The following TIAM2 variants were observed in gnomAD, a reference collection of about 807,000 sequenced individuals.
TIAM2 encodes the protein rho guanine nucleotide exchange factor TIAM2.
In TIAM2, 80 loss-of-function variants were observed where a neutral mutation model predicts 152.9. The ratio of observed to expected loss-of-function variants is 0.52; its 90% CI spans 0.44 to 0.63. TIAM2 has a LOEUF of 0.63. Ranked by LOEUF, TIAM2 falls within the 30% of genes least tolerant of loss-of-function variation. The probability of loss-of-function intolerance (pLI) is 0.00; values close to 1 mark genes in which losing one functional copy is unlikely to be tolerated. For synonymous variants in TIAM2, 804 were observed against 838.0 expected (o/e 0.96, Z 0.70); for missense variants, 1,965 against 2,120.1 (o/e 0.93, Z 1.44).
intron 14 of TIAM2, among the ~76,000 whole-genome samples, chr6:155,206,437 A>G (rs756037158): frequency 2.0e-5 from 3 of 152,072 alleles, no homozygotes; most frequent in Non-Finnish European, 2.9e-5. Context: ...GGGTTTCACC[A>G]TGTTAGCCAG....
In TIAM2 at chr6:155,254,482, G is replaced by C. The variant is rs755162381; in HGVS notation, c.4377G>C (p.Arg1459Ser). Reference protein sequence around the residue: ...VIRSILRENFRRHIKCELPLE... With the variant: ...VIRSILRENFSRHIKCELPLE... ...GTTCTATTCTGAGGGAGAACTTCAG[G>C]CGTCACATAAAGTGTGAATTACCAC... The change falls in exon 26 of 27, where the codon AGG (arginine) becomes AGC (serine). Residue 1459 changes from arginine (R) to serine (S), a missense_variant. This residue lies in a region of TIAM2 where 935 missense variants were observed against 980.0 expected (regional missense o/e 0.95). Transcript: ENST00000682666. 1 of 1,614,124 alleles carries C rather than the reference G, an allele frequency of 6.2e-7. No individual in the cohort carries two copies. Among genetic ancestry groups the C allele is most frequent in the South Asian group, 1.1e-5 (1 of 91,076 alleles).
intron 10 of TIAM2, among the ~76,000 whole-genome samples, chr6:155,177,449 C>G (rs1414596393): frequency 2.0e-5 from 3 of 152,274 alleles, no homozygotes; most frequent in Middle Eastern, 6.8e-3. Context: ...ATTTTTCAAA[C>G]TGGGTTTCAT....
chr6:155,227,586 C>T (rs1176792853), intron 15 of TIAM2, among the ~76,000 whole-genome samples: 1 of 152,186 alleles, frequency 6.6e-6, no homozygotes, highest in Non-Finnish European at 1.5e-5. Context: ...GGGGAGAAAA[C>T]TGTATTTAAG....
intron 9 of TIAM2, among the ~76,000 whole-genome samples, chr6:155,173,815 A>G (rs1316082939): frequency 6.6e-6 from 1 of 152,224 alleles, no homozygotes; most frequent in East Asian, 1.9e-4. Context: ...TAGGAGAGTA[A>G]ACTCATCTAA....
intron 7 of TIAM2, among the ~76,000 whole-genome samples, chr6:155,152,413 G>C (rs1779995592): frequency 6.6e-6 from 1 of 152,174 alleles, no homozygotes; most frequent in South Asian, 2.1e-4. Context: ...TCACAGCCAG[G>C]GGGCGTTCAG....
At chr6:155,030,551 A>C (rs1281646684) in intron 1 of TIAM2, among the ~76,000 whole-genome samples, 1 of 152,018 alleles carries the variant, frequency 6.6e-6, no homozygotes, top group Admixed American at 6.6e-5. Context: ...GGTATTGTTC[A>C]CCCCACTGCT....
rs559307371 is a variant in TIAM2, at chr6:155,070,209, C to CTTTT, written c.-208-20054_-208-20051dup. On this transcript the variant is annotated intron_variant, in intron 1 of 26. Coordinates refer to ENST00000682666, the MANE Select transcript of TIAM2 (RefSeq NM_012454.4). The stretch of plus-strand genomic sequence containing the variant: ...GTATGAGCCACCGCGCCTGGCCAGA[C>CTTTT]TTTTTTTTTTTTTTTTTTTTTTTTT... Among the ~76,000 whole-genome samples the CTTTT allele has an allele frequency of 7.5e-4, 33 of 44,146 alleles. 6 individuals carry two copies. Among genetic ancestry groups the CTTTT allele is most frequent in the African/African-American group, 3.7e-3 (31 of 8,322 alleles). 29.0% of individuals were successfully genotyped at this position (44,146 alleles called of 152,430 possible). A position where few individuals can be genotyped will look rare whatever the true frequency, so the allele number is the denominator to read the frequency against.
At chr6:155,187,690 T>A in intron 14 of TIAM2, among the ~76,000 whole-genome samples, 1 of 150,266 alleles carries the variant, frequency 6.7e-6, no homozygotes, top group Non-Finnish European at 1.5e-5. Context: ...GGGATTCTCC[T>A]GCCTCAGCCT....
At chr6:155,127,214 G>T (rs532138406) in intron 2 of TIAM2, among the ~76,000 whole-genome samples, 67 of 152,256 alleles carry the variant, frequency 4.4e-4, no homozygotes, top group African/African-American at 1.5e-3. Flanking sequence ...GATGAGCCAC[G>T]CATGACTCAC....
chr6:155,168,238 C>T (rs1386427723), intron 9 of TIAM2, among the ~76,000 whole-genome samples: 4 of 152,022 alleles, frequency 2.6e-5, no homozygotes, highest in African/African-American at 9.7e-5. Context: ...ATATTTTCTT[C>T]CAAGATTTAT....
chr6:155,082,070 G>A (rs1036121144), intron 1 of TIAM2, among the ~76,000 whole-genome samples: 6 of 152,068 alleles, frequency 3.9e-5, no homozygotes, highest in Non-Finnish European at 5.9e-5. Flanking sequence ...TAGGCCAGGC[G>A]CAGTCGCTTA....
chr6:155,038,296 C>T (rs1044847248), intron 1 of TIAM2, among the ~76,000 whole-genome samples: 4 of 152,208 alleles, frequency 2.6e-5, no homozygotes, highest in Admixed American at 2.6e-4. Context: ...GGTTGGCCTG[C>T]CCTGCCCTCC....
At chr6:155,031,281 A>G (rs1420432103) in intron 1 of TIAM2, among the ~76,000 whole-genome samples, 1 of 152,238 alleles carries the variant, frequency 6.6e-6, no homozygotes, top group African/African-American at 2.4e-5. Flanking sequence ...CATATTTTAG[A>G]ATGAGTCAAT....
At chr6:155,140,573 T>TGAGAGAGAGAGAGAGA (rs57939338) in intron 5 of TIAM2, among the ~76,000 whole-genome samples, 2 of 107,404 alleles carry the variant, frequency 1.9e-5, no homozygotes, top group African/African-American at 7.7e-5. Context: ...TGTGTGTGTG[T>TGAGAGAGAGAGAGAGA]GAGAGAGAGA....
rs774403110 is a variant in TIAM2 at position 155,253,042 on chromosome 6, G to A, written c.4214G>A (p.Gly1405Glu). 6.2e-7 allele frequency: 1 copy of A among 1,613,888 alleles called. No individual in the cohort carries two copies. The highest frequency in any genetic ancestry group is 1.1e-5 in the South Asian group (1 of 91,046). ...ATCTCCGCGCTTCAAGTCAGACTGG[G>A]GAATCCAGCAGGTAACTGTTTCGTG... ...IPISALQVRLGNPAGTENNSI... is the reference protein window; with the variant it reads ...IPISALQVRLENPAGTENNSI... The change falls in exon 24 of 27, where the codon GGG (glycine) becomes GAG (glutamate). Residue 1405 changes from glycine to glutamate, a missense_variant. Coordinates refer to ENST00000682666, the MANE Select transcript of TIAM2 (RefSeq NM_012454.4).
Position 155,144,727 on chromosome 6 carries a change from A to G in TIAM2, c.1752A>G (p.Lys584=), listed in dbSNP as rs1225406344. Residue 584 remains lysine (K), a synonymous_variant, in exon 6 of 27, where the codon AAA becomes AAG. Transcript: ENST00000682666. The part of the protein sequence containing the change: ...IVQSVPEHPK[K]ENVFCLSNSF... ...AGTCTGTTCCAGAGCATCCCAAGAA[A>G]GAAAATGTGTTCTGCCTCAGCAACT... The G allele has an allele frequency of 1.2e-6, 2 of 1,610,790 alleles. No homozygotes were observed. The highest frequency in any genetic ancestry group is 1.1e-5 in the South Asian group (1 of 90,140).
rs1435548565 is a variant in TIAM2 at position 155,127,592 on chromosome 6, A to G, written c.-15A>G. On this transcript the variant is annotated 5_prime_UTR_variant, in exon 3 of 27. Coordinates refer to ENST00000682666, the MANE Select transcript of TIAM2 (RefSeq NM_012454.4). ...ACTAACCTCCCTCACAGCAGAAACT[A>G]GACGTCAGGTAAACCCAACCCTTGT... The G allele has an allele frequency of 2.2e-6, 1 of 456,082 alleles. No individual in the cohort carries two copies. The highest frequency in any genetic ancestry group is 6.9e-5 in the East Asian group (1 of 14,396). 28.3% of individuals were successfully genotyped at this position (456,082 alleles called of 1,614,324 possible).
chr6:155,148,428 T>A, intron 7 of TIAM2, 94 bp downstream of exon 7: 1 of 1,280,548 alleles, frequency 7.8e-7, no homozygotes, highest in Admixed American at 2.1e-5. Flanking sequence ...ATTTCTTGGC[T>A]CACATCTTGG....
In TIAM2 at chr6:155,127,602, T is replaced by C. The variant is rs184637634; in HGVS notation, c.-7+2T>C. The C allele has an allele frequency of 5.8e-4, 264 of 456,040 alleles. 1 individual carries two copies. The East Asian group carries it at 7.5e-3, about 13-fold the overall frequency. 28.2% of individuals were successfully genotyped at this position (456,040 alleles called of 1,614,324 possible). On this transcript the variant is annotated splice_donor_variant, in intron 3 of 26. Transcript: ENST00000682666. LOFTEE classifies it low-confidence loss of function (5UTR_SPLICE). ...CTCACAGCAGAAACTAGACGTCAGG[T>C]AAACCCAACCCTTGTGCCTGGGGGT...
Sources: gnomAD v4.1 joint callset for allele counts (sites outside exome capture counted in the v4.1 genomes callset) on GRCh38, gnomAD v4.1.1 for gene constraint, gnomAD v4.1.1 regional missense constraint, MANE v1.5 for transcripts, NCBI Gene and HGNC (gene_info 2026-07-23, HGNC 2026-07-21) for gene names.